The following CYREN variants were observed in gnomAD, a reference collection of about 807,000 sequenced individuals.
CYREN encodes the protein cell cycle regulator of non-homologous end joining.
Under a neutral mutation model 9.7 loss-of-function variants are expected in CYREN, and 7 were observed. The observed-to-expected ratio is 0.72, with a 90% confidence interval of 0.41 to 1.36. The LOEUF is 1.36. Ranked by LOEUF, CYREN falls within the 40% of genes most tolerant of loss-of-function variation. CYREN has a pLI of 0.01. For synonymous variants in CYREN, 76 were observed against 77.9 expected, an observed-to-expected ratio of 0.98 and a Z score of 0.13; for missense variants, 215 against 198.1, an observed-to-expected ratio of 1.09 and a Z score of -0.51.
At chr7:135,156,147 G>A (rs1237838493) in intron 2 of CYREN, among the ~76,000 whole-genome samples, 1 of 151,898 alleles carries the variant, frequency 6.6e-6, no homozygotes, top group East Asian at 1.9e-4. Flanking sequence ...TCCTTTATAG[G>A]TGACTAGTCA....
intron 2 of CYREN, chr7:135,135,170 C>G: frequency 6.4e-7 from 1 of 1,550,878 alleles, no homozygotes; most frequent in Non-Finnish European, 8.7e-7. Flanking sequence ...TCTAAGCATA[C>G]AGCCCTCCAT....
In CYREN at chr7:135,167,779, T is replaced by C; in HGVS notation, c.166A>G (p.Met56Val). ...ACATCAACTATCTCAGCCTCATTCATGCAGTACACAGTCCTTGTCGCAGGG... is the reference window on the plus strand; with the variant it reads ...ACATCAACTATCTCAGCCTCATTCACGCAGTACACAGTCCTTGTCGCAGGG... The part of the protein sequence containing the change: ...RLPATRTVYC[M>V]NEAEIVDVAL... The change falls in exon 3 of 4, where the codon ATG (methionine) becomes GTG (valine). Residue 56 changes from methionine to valine, a missense_variant. By Grantham distance (21) the Met-to-Val change is conservative. Transcript: ENST00000393114. The C allele has an allele frequency of 6.2e-7, 1 of 1,614,172 alleles. No individual in the cohort carries two copies. Among genetic ancestry groups the C allele is most frequent in the Non-Finnish European group, 8.5e-7 (1 of 1,180,026 alleles).
downstream of CYREN, among the ~76,000 whole-genome samples, chr7:135,163,194 G>C (rs992912086): frequency 1.3e-5 from 2 of 152,104 alleles, no homozygotes; most frequent in Non-Finnish European, 2.9e-5. Context: ...TAACAGCTTT[G>C]AAAAATGTTT....
At chr7:135,135,821 T>C (rs1408108385) in intron 2 of CYREN, 2 of 152,170 alleles carry the variant, frequency 1.3e-5, no homozygotes, top group Admixed American at 1.3e-4. Context: ...GAAAAAATAC[T>C]GTATATTAAA....
rs566175774 is a variant in CYREN at position 135,127,017 on chromosome 7, T to C, written n.357-32435A>G. Among the ~76,000 whole-genome samples, 44 of 152,102 alleles carry C rather than the reference T, an allele frequency of 2.9e-4. No homozygotes were observed. The South Asian group carries it at 5.6e-3, about 19-fold the overall frequency. ...TGCAACAGAAGCCAAAATTGACAAA[T>C]GGGATCTAATTATACTAAAGAGCTT... On this transcript the variant is annotated intron_variant and non_coding_transcript_variant, in intron 2 of 2. Coordinates refer to the CYREN transcript ENST00000459937.
chr7:135,128,625 G>A (rs778359096), intron 2 of CYREN: 38 of 806,942 alleles, frequency 4.7e-5, no homozygotes, highest in African/African-American at 1.0e-4. Flanking sequence ...CCCTGGCAGC[G>A]TGATCCCGTT....
chr7:135,138,962 T>A (rs1217848882), intron 2 of CYREN, among the ~76,000 whole-genome samples: 3 of 152,130 alleles, frequency 2.0e-5, no homozygotes, highest in Non-Finnish European at 4.4e-5. Context: ...CTATGGTATA[T>A]GTGTACCACA....
At chr7:135,110,119 A>T (rs1825398135) in intron 2 of CYREN, among the ~76,000 whole-genome samples, 1 of 152,268 alleles carries the variant, frequency 6.6e-6, no homozygotes, top group East Asian at 1.9e-4. Flanking sequence ...GCTCTGTCTC[A>T]GGGAGGTGTA....
chr7:135,156,422 G>T (rs895859569), intron 2 of CYREN, among the ~76,000 whole-genome samples: 3 of 151,568 alleles, frequency 2.0e-5, no homozygotes, highest in Non-Finnish European at 2.9e-5. Context: ...CCTCATTTTT[G>T]TCTGACTGGA....
intron 2 of CYREN, among the ~76,000 whole-genome samples, chr7:135,154,520 T>G (rs1324835669): frequency 2.6e-5 from 4 of 152,230 alleles, no homozygotes; most frequent in African/African-American, 9.6e-5. Flanking sequence ...TAGCACTTCT[T>G]TTGCTGTAAC....
chr7:135,106,613 G>C (rs1456125449), intron 2 of CYREN, among the ~76,000 whole-genome samples: 2 of 152,190 alleles, frequency 1.3e-5, no homozygotes, highest in Non-Finnish European at 2.9e-5. Flanking sequence ...GATTTGGTTT[G>C]CAAGTATTTT....
chr7:135,109,675 A>G (rs1350491836), intron 2 of CYREN, among the ~76,000 whole-genome samples: 1 of 151,972 alleles, frequency 6.6e-6, no homozygotes, highest in Non-Finnish European at 1.5e-5. Context: ...TAGCAGGGGT[A>G]TCTGTAGACC....
intron 2 of CYREN, among the ~76,000 whole-genome samples, chr7:135,098,041 A>G (rs1254221809): frequency 6.6e-6 from 1 of 152,190 alleles, no homozygotes; most frequent in Non-Finnish European, 1.5e-5. Flanking sequence ...TATTTTAGAT[A>G]TGGAGACCCT....
chr7:135,167,963 T>G, intron 2 of CYREN, 156 bp from the exon 3 acceptor site: 1 of 1,312,008 alleles, frequency 7.6e-7, no homozygotes, highest in Admixed American at 2.3e-5. Flanking sequence ...CGGACACAAT[T>G]TCCTCAGCCT....
chr7:135,168,736 C>T lies in CYREN; in HGVS notation c.137+50G>A, dbSNP rs1315036704. On this transcript the variant is annotated intron_variant, in intron 2 of 3. Coordinates refer to ENST00000393114, the MANE Select transcript of CYREN (RefSeq NM_024033.4). ...GACCTGGCCCAGGTCATGGAGGCCC[C>T]TGCTCCACTTGCCAGATTCGCAGGA... 11 of 1,596,952 alleles carry T rather than the reference C, an allele frequency of 6.9e-6. No homozygotes were observed. The South Asian group carries it at 1.2e-4, about 18-fold the overall frequency.
chr7:135,145,920 C>T (rs775106770), intron 2 of CYREN, among the ~76,000 whole-genome samples: 9 of 152,132 alleles, frequency 5.9e-5, no homozygotes, highest in East Asian at 1.9e-4. Context: ...AAAAACCTAA[C>T]GGACATACCT....
intron 2 of CYREN, among the ~76,000 whole-genome samples, chr7:135,096,826 C>T (rs1395758794): frequency 6.6e-6 from 1 of 151,852 alleles, no homozygotes; most frequent in Non-Finnish European, 1.5e-5. Flanking sequence ...CATGGCTATT[C>T]TTTTAATGAC....
At chr7:135,125,616 C>T (rs1827769332) in intron 2 of CYREN, among the ~76,000 whole-genome samples, 2 of 152,192 alleles carry the variant, frequency 1.3e-5, no homozygotes. Flanking sequence ...GACCAATATT[C>T]CTGATGAACA....
chr7:135,164,865 G>A (rs1328107371), downstream of CYREN: 1 of 1,614,202 alleles, frequency 6.2e-7, no homozygotes, highest in Admixed American at 1.7e-5. Flanking sequence ...GTGGAAGTGG[G>A]TCAGGCTCTC....
Sources: allele counts gnomAD v4.1 joint callset (sites outside exome capture counted in the v4.1 genomes callset), GRCh38; gene constraint gnomAD v4.1.1; transcripts MANE v1.5; gene names NCBI Gene and HGNC (gene_info 2026-07-23, HGNC 2026-07-21).